ERBB3: variants seen among roughly 807,000 people sequenced by gnomAD.
The protein encoded by ERBB3 is receptor tyrosine-protein kinase erbB-3.
Under a neutral mutation model 156.7 loss-of-function variants are expected in ERBB3, and 96 were observed. The ratio of observed to expected loss-of-function variants is 0.61; its 90% CI spans 0.52 to 0.73. ERBB3 has a LOEUF of 0.73. ERBB3 is among the 30% of genes least tolerant of loss of function. The pLI is 0.00. For synonymous variants in ERBB3, 567 were observed against 632.0 expected, an observed-to-expected ratio of 0.90 and a Z score of 1.54; for missense variants, 1,406 against 1,709.4, an observed-to-expected ratio of 0.82 and a Z score of 3.13.
chr12:56,102,149 C>T lies in ERBB3; in HGVS notation c.*94C>T. ...CCCTATTCCCTCTCTCTCCCAGGTC[C>T]CAGCCCCTTTTCCCCAGTCCCAGAC... On this transcript the variant is annotated 3_prime_UTR_variant, in exon 28 of 28. Coordinates refer to ENST00000267101, the MANE Select transcript of ERBB3 (RefSeq NM_001982.4). 1 of 1,153,410 alleles carries T rather than the reference C, an allele frequency of 8.7e-7. No individual in the cohort carries two copies. Among genetic ancestry groups the T allele is most frequent in the Non-Finnish European group, 1.3e-6 (1 of 775,484 alleles). 71.4% of individuals were successfully genotyped at this position (1,153,410 alleles called of 1,614,324 possible).
Position 56,097,101 on chromosome 12 carries a change from A to G in ERBB3, c.2331A>G (p.Leu777=), listed in dbSNP as rs1257023407. 3 of 1,614,098 alleles carry G rather than the reference A, an allele frequency of 1.9e-6. No homozygotes were observed. In the Middle Eastern group the frequency reaches 4.9e-4, roughly 266 times the overall value. Residue 777 remains leucine, a synonymous_variant, in exon 20 of 28, where the codon CTA becomes CTG. Coordinates refer to ENST00000267101, the MANE Select transcript of ERBB3 (RefSeq NM_001982.4). ...CCCACATTGTAAGGCTGCTGGGACT[A>G]TGCCCAGGGTCATCTCTGCAGCTTG... is the stretch of plus-strand genomic sequence containing the variant. ...DHAHIVRLLG[L]CPGSSLQLVT... is the part of the protein sequence containing the mutation.
rs1249910595 is a variant in ERBB3, at chr12:56,097,772, C to T, written c.2461-13C>T. ...CCCAACCTTAAGAATACTTTCTTCCCCTATACCTACAGGGAATGTACTACC... is the reference window on the plus strand; with the variant it reads ...CCCAACCTTAAGAATACTTTCTTCCTCTATACCTACAGGGAATGTACTACC... On this transcript the variant is annotated splice_polypyrimidine_tract_variant and intron_variant, in intron 20 of 27. Coordinates refer to ENST00000267101, the MANE Select transcript of ERBB3 (RefSeq NM_001982.4). The T allele has an allele frequency of 1.9e-6, 3 of 1,612,774 alleles. No homozygotes were observed. The highest frequency in any genetic ancestry group is 2.5e-6 in the Non-Finnish European group (3 of 1,179,132).
Position 56,092,866 on chromosome 12 carries a change from C to G in ERBB3, c.1183+46C>G, listed in dbSNP as rs747360963. 111 of 1,577,208 alleles carry G rather than the reference C, an allele frequency of 7.0e-5. 1 individual carries two copies. The highest frequency in any genetic ancestry group is 9.2e-5 in the Non-Finnish European group (105 of 1,146,442). ...CCTTTCTAGAAGAATAGGTGAACCA[C>G]TGGCATAAATTGCGGTATAACTACT... On this transcript the variant is annotated intron_variant, in intron 10 of 27. Transcript: ENST00000267101.
chr12:56,098,086 G>A, intron 21 of ERBB3, 146 bp downstream of exon 21: 1 of 808,412 alleles, frequency 1.2e-6, no homozygotes, highest in Non-Finnish European at 1.9e-6. Flanking sequence ...TTAGTTCAGA[G>A]GGCAACAAAT....
intron 7 of ERBB3, 92 bp from the exon 8 acceptor site, chr12:56,088,451 C>A: frequency 9.7e-7 from 1 of 1,029,454 alleles, no homozygotes; most frequent in Non-Finnish European, 1.5e-6. Flanking sequence ...CAGTGCAGAG[C>A]TGGAGGGAGC....
At chr12:56,083,236 G>A (rs1868377007) in intron 1 of ERBB3, 1 of 219,506 alleles carries the variant, frequency 4.6e-6, no homozygotes. Flanking sequence ...GCTGGACTGT[G>A]GCCCCAGGCA....
intron 9 of ERBB3, among the ~76,000 whole-genome samples, chr12:56,090,146 T>A (rs1868624991): frequency 6.6e-6 from 1 of 152,024 alleles, no homozygotes; most frequent in African/African-American, 2.4e-5. Flanking sequence ...ATTATAGGTG[T>A]GTGCCATCAT....
At chr12:56,088,260 A>T in intron 7 of ERBB3, 98 bp downstream of exon 7, 1 of 1,350,124 alleles carries the variant, frequency 7.4e-7, no homozygotes, top group Non-Finnish European at 1.0e-6. Context: ...GGTGATAAAT[A>T]GGGAGATTGG....
chr12:56,091,202 A>G (rs995729189), intron 9 of ERBB3, among the ~76,000 whole-genome samples: 1 of 141,758 alleles, frequency 7.1e-6, no homozygotes, highest in African/African-American at 2.7e-5. Flanking sequence ...CCCGTGCTCA[A>G]GCGAGCACCT....
At chr12:56,088,726 T>A (rs2136798039) in intron 8 of ERBB3, 22 bp from the exon 9 acceptor site, 1 of 1,614,166 alleles carries the variant, frequency 6.2e-7, no homozygotes, top group Non-Finnish European at 8.5e-7. Context: ...CCACCCCCAC[T>A]GAACCTCTCT....
At chr12:56,101,010 C>A in intron 26 of ERBB3, 51 bp from the exon 27 acceptor site, 1 of 1,395,720 alleles carries the variant, frequency 7.2e-7, no homozygotes, top group Non-Finnish European at 1.0e-6. Context: ...TCTCTTCTTT[C>A]CTCATCATGT....
chr12:56,081,230 C>A (rs1251985718), intron 1 of ERBB3, among the ~76,000 whole-genome samples: 1 of 152,186 alleles, frequency 6.6e-6, no homozygotes, highest in Non-Finnish European at 1.5e-5. Flanking sequence ...GCCTCCCGCC[C>A]CCATTTTGCT....
chr12:56,086,605 A>T lies in ERBB3; in HGVS notation c.496A>T (p.Ile166Phe). The change falls in exon 4 of 28, where the codon ATC (isoleucine) becomes TTC (phenylalanine). Residue 166 changes from isoleucine (I) to phenylalanine (F), a missense_variant. By Grantham distance (21) the Ile-to-Phe change is conservative. This residue lies in a region of ERBB3 where 979 missense variants were observed against 1,219.6 expected (regional missense o/e 0.80). Transcript: ENST00000267101. The part of the protein sequence containing the change: ...CHMDTIDWRD[I>F]VRDRDAEIVV... ...CATGGACACAATTGACTGGAGGGAC[A>T]TCGTGAGGGACCGAGATGCTGAGAT... 1 of 1,614,174 alleles carries T rather than the reference A, an allele frequency of 6.2e-7. No homozygotes were observed. Among genetic ancestry groups the T allele is most frequent in the Non-Finnish European group, 8.5e-7 (1 of 1,180,016 alleles).
chr12:56,086,086 AC>A (rs1451729249), intron 3 of ERBB3, among the ~76,000 whole-genome samples: 24 of 143,942 alleles, frequency 1.7e-4, no homozygotes, highest in African/African-American at 6.3e-4. Flanking sequence ...AAAAAAAAAA[AC>A]CAAAGTACAG....
Position 56,088,527 on chromosome 12 carries a change from T to G in ERBB3, c.875-16T>G. 6.4e-7 allele frequency: 1 copy of G among 1,572,184 alleles called. No individual in the cohort carries two copies. Among genetic ancestry groups the G allele is most frequent in the Non-Finnish European group, 8.8e-7 (1 of 1,141,856 alleles). ...TCCTCCCTCATCTCTAATGGTGTCC[T>G]CCTCCTCTTCCCTAGATAACTTTGT... On this transcript the variant is annotated splice_polypyrimidine_tract_variant and intron_variant, in intron 7 of 27. Transcript: ENST00000267101.
rs2136797488 is a variant in ERBB3 at position 56,088,633 on chromosome 12, C to T, written c.965C>T (p.Pro322Leu). The T allele has an allele frequency of 6.2e-7, 1 of 1,614,010 alleles. No individual in the cohort carries two copies. Among genetic ancestry groups the T allele is most frequent in the East Asian group, 2.2e-5 (1 of 44,880 alleles). Residue 322 changes from proline to leucine, a missense_variant, in exon 8 of 28, where the codon CCT becomes CTT. Physicochemically the swap from Pro to Leu is moderately conservative, Grantham distance 98. Transcript: ENST00000267101. ...AAAAATGGGCTCAAGATGTGTGAGC[C>T]TTGTGGGGGACTATGTCCCAAAGGT... The part of the protein sequence containing the change: ...VDKNGLKMCE[P>L]CGGLCPKACE...
intron 1 of ERBB3, among the ~76,000 whole-genome samples, chr12:56,082,758 C>T (rs1416096951): frequency 2.0e-5 from 3 of 152,124 alleles, no homozygotes; most frequent in African/African-American, 7.2e-5. Flanking sequence ...AGTGAACTCC[C>T]AAGGCTGACA....
Position 56,086,546 on chromosome 12 carries a change from G to A in ERBB3, c.437G>A (p.Gly146Asp), listed in dbSNP as rs374619740. 11 of 1,614,126 alleles carry A rather than the reference G, an allele frequency of 6.8e-6. No homozygotes were observed. Among genetic ancestry groups the A allele is most frequent in the Admixed American group, 1.7e-5 (1 of 60,008 alleles). Reference sequence around the variant, plus strand: ...CCTACCTCAGAGATTCTGTCAGGGGGTGTTTATATTGAGAAGAACGATAAG... The same window carrying A: ...CCTACCTCAGAGATTCTGTCAGGGGATGTTTATATTGAGAAGAACGATAAG... ...LTQLTEILSG[G>D]VYIEKNDKLC... The change falls in exon 4 of 28, where the codon GGT becomes GAT. Residue 146 changes from glycine (G) to aspartate (D), a missense_variant. This residue lies in a region of ERBB3 where 979 missense variants were observed against 1,219.6 expected (regional missense o/e 0.80). Coordinates refer to ENST00000267101, the MANE Select transcript of ERBB3 (RefSeq NM_001982.4).
intron 17 of ERBB3, chr12:56,096,225 T>G (rs963436339): frequency 3.5e-5 from 19 of 547,652 alleles, no homozygotes; most frequent in African/African-American, 3.2e-4. Flanking sequence ...GTGGTAATAG[T>G]ACTACCAACT....
Sources: allele counts gnomAD v4.1 joint callset (sites outside exome capture counted in the v4.1 genomes callset), GRCh38; gene constraint gnomAD v4.1.1; regional missense constraint gnomAD v4.1.1; transcripts MANE v1.5; gene names NCBI Gene and HGNC (gene_info 2026-07-23, HGNC 2026-07-21).